AUTS2: variants seen among roughly 807,000 people sequenced by gnomAD.
The protein encoded by AUTS2 is autism susceptibility gene 2 protein.
A neutral mutation model predicts 112.4 loss-of-function variants in AUTS2; 17 were observed. That is an observed-to-expected ratio of 0.15 (90% CI 0.10 to 0.23). The LOEUF (loss-of-function observed/expected upper bound fraction) is 0.23, where lower values mean the gene tolerates loss of function less well. Among genes scored for constraint, AUTS2 ranks in the 10% least tolerant of loss-of-function variants. AUTS2 has a pLI of 1.00. For missense variants in AUTS2, 1,510 were observed against 1,701.6 expected (o/e 0.89, Z 1.98); for synonymous variants, 751 against 702.7 (o/e 1.07, Z -1.09).
rs545623371 is a variant in AUTS2 at position 70,174,776 on chromosome 7, G to A, written c.660+40205G>A. Among the ~76,000 whole-genome samples the A allele has an allele frequency of 5.9e-5, 9 of 152,206 alleles. No individual in the cohort carries two copies. The South Asian group carries it at 8.3e-4, about 14-fold the overall frequency. ...ATGGTTTACTAAATATTTTAAGCCC[G>A]CTATTGAGACCTACTGCTTGGAAAA... On this transcript the variant is annotated intron_variant, in intron 4 of 18. Coordinates refer to ENST00000342771, the MANE Select transcript of AUTS2 (RefSeq NM_015570.4).
chr7:69,712,795 C>T (rs1798389528), intron 1 of AUTS2, among the ~76,000 whole-genome samples: 2 of 152,062 alleles, frequency 1.3e-5, no homozygotes, highest in South Asian at 4.1e-4. Context: ...ATGAAACTGC[C>T]ACAGTTTTCT....
At chr7:69,655,344 A>G (rs1031430035) in intron 1 of AUTS2, among the ~76,000 whole-genome samples, 2 of 152,034 alleles carry the variant, frequency 1.3e-5, no homozygotes, top group Non-Finnish European at 2.9e-5. Flanking sequence ...GGCCTGTCAT[A>G]TTTTTTAAAA....
chr7:70,724,607 G>A (rs1563153875), intron 6 of AUTS2, among the ~76,000 whole-genome samples: 1 of 151,962 alleles, frequency 6.6e-6, no homozygotes. Context: ...CACCACGCCC[G>A]GCTAATTTTT....
intron 5 of AUTS2, among the ~76,000 whole-genome samples, chr7:70,529,617 T>C (rs1799996932): frequency 6.6e-6 from 1 of 152,240 alleles, no homozygotes; most frequent in African/African-American, 2.4e-5. Flanking sequence ...CATCCCAGGC[T>C]GTCCTTCACG....
chr7:70,488,692 TC>T (rs1391797434), intron 5 of AUTS2, among the ~76,000 whole-genome samples: 3 of 152,164 alleles, frequency 2.0e-5, no homozygotes, highest in African/African-American at 7.2e-5. Context: ...CTCTCAGGAT[TC>T]CTCCTGCTCC....
At chr7:70,387,625 A>G (rs1333962935) in intron 4 of AUTS2, among the ~76,000 whole-genome samples, 3 of 152,166 alleles carry the variant, frequency 2.0e-5, no homozygotes, top group Non-Finnish European at 4.4e-5. Context: ...GTCTTTCCTA[A>G]TGTTGGCCAT....
chr7:69,603,477 T>C (rs1282567716), intron 1 of AUTS2, among the ~76,000 whole-genome samples: 1 of 152,242 alleles, frequency 6.6e-6, no homozygotes, highest in East Asian at 1.9e-4. Context: ...TTGGATTCTT[T>C]TTTGAGATGA....
intron 2 of AUTS2, among the ~76,000 whole-genome samples, chr7:70,056,933 C>T (rs1802019788): frequency 6.6e-6 from 1 of 152,150 alleles, no homozygotes; most frequent in South Asian, 2.1e-4. Context: ...ATTCTAGGTT[C>T]CTATGATTAT....
intron 5 of AUTS2, among the ~76,000 whole-genome samples, chr7:70,665,110 T>G (rs1220776023): frequency 6.6e-6 from 1 of 152,116 alleles, no homozygotes; most frequent in East Asian, 1.9e-4. Context: ...ATTCAACAAT[T>G]TTTGTCCTTC....
Position 70,670,752 on chromosome 7 carries a change from T to C in AUTS2, c.691-27817T>C, listed in dbSNP as rs562238104. ...AGGATAAAAGAATAAACAACCCTCA[T>C]CCCCTTAAACTTCTGCCCCTCTTTA... On this transcript the variant is annotated intron_variant, in intron 5 of 18. Coordinates refer to ENST00000342771, the MANE Select transcript of AUTS2 (RefSeq NM_015570.4). 3.3e-5 allele frequency among the ~76,000 whole-genome samples: 5 copies of C among 152,222 alleles called. No individual in the cohort carries two copies. The East Asian group carries it at 9.7e-4, about 29-fold the overall frequency.
chr7:69,787,177 CGTT>C (rs1789414804), intron 1 of AUTS2, among the ~76,000 whole-genome samples: 1 of 152,168 alleles, frequency 6.6e-6, no homozygotes, highest in South Asian at 2.1e-4. Flanking sequence ...TTGCTCCTGA[CGTT>C]GTTCTAAAAT....
At chr7:70,340,811 C>T (rs1791229971) in intron 4 of AUTS2, among the ~76,000 whole-genome samples, 1 of 152,232 alleles carries the variant, frequency 6.6e-6, no homozygotes, top group Non-Finnish European at 1.5e-5. Context: ...CATCATTTCG[C>T]AGCATGCAGG....
chr7:70,294,551 C>G (rs1224567115), intron 4 of AUTS2, among the ~76,000 whole-genome samples: 1 of 152,166 alleles, frequency 6.6e-6, no homozygotes, highest in Non-Finnish European at 1.5e-5. Context: ...AATTGCTTTT[C>G]TCTGGAGCTG....
intron 2 of AUTS2, among the ~76,000 whole-genome samples, chr7:70,037,838 A>G (rs1267149028): frequency 2.0e-5 from 3 of 152,172 alleles, no homozygotes; most frequent in Non-Finnish European, 4.4e-5. Context: ...AATATATTAC[A>G]TGTAAAATGT....
Position 70,316,751 on chromosome 7 carries a change from T to G in AUTS2, c.661-119001T>G, listed in dbSNP as rs185314330. On this transcript the variant is annotated intron_variant, in intron 4 of 18. Coordinates refer to ENST00000342771, the MANE Select transcript of AUTS2 (RefSeq NM_015570.4). ...TTGATCCTAAGGAGACAATCGTTGG[T>G]GAATTTGAAACAGATTCTTCAGGAA... Among the ~76,000 whole-genome samples, 13 of 152,252 alleles carry G rather than the reference T, an allele frequency of 8.5e-5. No homozygotes were observed. The East Asian group carries it at 2.3e-3, about 27-fold the overall frequency.
At chr7:70,534,586 C>G (rs1011953594) in intron 5 of AUTS2, among the ~76,000 whole-genome samples, 1 of 152,092 alleles carries the variant, frequency 6.6e-6, no homozygotes. Context: ...GCCACTATGC[C>G]CAGCTAATTC....
intron 1 of AUTS2, among the ~76,000 whole-genome samples, chr7:69,762,293 CTTTTTTTTTTTTTTTT>C (rs534032498): frequency 6.8e-4 from 42 of 61,600 alleles, no homozygotes; most frequent in Middle Eastern, 0.031. Flanking sequence ...GCCAAGTTGT[CTTTTTTTTTTTTTTTT>C]TTTTTTTTTT....
At chr7:70,044,705 C>G (rs1050860359) in intron 2 of AUTS2, among the ~76,000 whole-genome samples, 8 of 152,168 alleles carry the variant, frequency 5.3e-5, no homozygotes, top group African/African-American at 1.9e-4. Flanking sequence ...GCCTCCGCCA[C>G]CATCACAGAT....
At chr7:69,663,457 T>C (rs1795894778) in intron 1 of AUTS2, among the ~76,000 whole-genome samples, 1 of 152,196 alleles carries the variant, frequency 6.6e-6, no homozygotes, top group Non-Finnish European at 1.5e-5. Context: ...CTAATATAAT[T>C]ATGCTGGAGA....
Sources: gnomAD v4.1 joint callset for allele counts (sites outside exome capture counted in the v4.1 genomes callset) on GRCh38, gnomAD v4.1.1 for gene constraint, MANE v1.5 for transcripts, NCBI Gene and HGNC (gene_info 2026-07-23, HGNC 2026-07-21) for gene names.